The following GMPS variants were observed in gnomAD, a reference collection of about 807,000 sequenced individuals.
GMPS encodes GMP synthase [glutamine-hydrolyzing].
GMPS carries 15 observed loss-of-function variants against 77.9 expected under a neutral mutation model. The ratio of observed to expected loss-of-function variants is 0.19; its 90% CI spans 0.13 to 0.30. The LOEUF (loss-of-function observed/expected upper bound fraction) is 0.30. GMPS is among the 10% of genes least tolerant of loss of function. GMPS has a pLI of 1.00. For synonymous variants in GMPS, 224 were observed against 275.9 expected (o/e 0.81, Z 1.86); for missense variants, 590 against 838.8 (o/e 0.70, Z 3.66).
rs761238528 is a variant in GMPS at position 155,935,066 on chromosome 3, G to C, written c.1807+20G>C. On this transcript the variant is annotated intron_variant, in intron 14 of 15. Transcript: ENST00000496455. The stretch of plus-strand genomic sequence containing the variant: ...AGTCTGGTAAGTTGCTCATGTTTTT[G>C]ATTACTACCCTCTGAAACTAGTTTT... 1 of 1,582,150 alleles carries C rather than the reference G, an allele frequency of 6.3e-7. No homozygotes were observed. The highest frequency in any genetic ancestry group is 8.7e-7 in the Non-Finnish European group (1 of 1,151,148).
At chr3:155,882,090 G>A (rs1349601192) in intron 1 of GMPS, among the ~76,000 whole-genome samples, 2 of 151,966 alleles carry the variant, frequency 1.3e-5, no homozygotes, top group Non-Finnish European at 2.9e-5. Flanking sequence ...AATAAATGAA[G>A]ACTGATTAAG....
intron 1 of GMPS, among the ~76,000 whole-genome samples, chr3:155,884,403 GAAAA>G (rs936558047): frequency 6.8e-6 from 1 of 146,674 alleles, no homozygotes; most frequent in African/African-American, 2.5e-5. Flanking sequence ...AAAAAAAAAA[GAAAA>G]AAAAATCACG....
At chr3:155,907,134 G>C (rs1402187664) in intron 5 of GMPS, among the ~76,000 whole-genome samples, 1 of 152,166 alleles carries the variant, frequency 6.6e-6, no homozygotes, top group Non-Finnish European at 1.5e-5. Context: ...TAATATGTTA[G>C]CATAGGAATG....
chr3:155,881,164 GTTTTTTTTTTTTTTT>G (rs11334499), intron 1 of GMPS, among the ~76,000 whole-genome samples: 4 of 52,928 alleles, frequency 7.6e-5, no homozygotes, highest in Admixed American at 2.9e-4. Flanking sequence ...TTTGATATTA[GTTTTTTTTTTTTTTT>G]TTTTTTTTTT....
Position 155,901,669 on chromosome 3 carries a change from T to A in GMPS, c.325-2194T>A, listed in dbSNP as rs374202378. Reference sequence around the variant, plus strand: ...CATGATTAGATTTTTTTTTTTTGTATTTTCTTATCTGCAAAGGTATTAAAT... The same window carrying A: ...CATGATTAGATTTTTTTTTTTTGTAATTTCTTATCTGCAAAGGTATTAAAT... On this transcript the variant is annotated intron_variant, in intron 3 of 15. Coordinates refer to ENST00000496455, the MANE Select transcript of GMPS (RefSeq NM_003875.3). Among the ~76,000 whole-genome samples the A allele has an allele frequency of 5.3e-4, 80 of 152,216 alleles. 4 individuals carry two copies. Among genetic ancestry groups the A allele is most frequent in the African/African-American group, 1.9e-3 (77 of 41,544 alleles).
chr3:155,929,255 A>T (rs62287766), intron 12 of GMPS, among the ~76,000 whole-genome samples: 4 of 151,236 alleles, frequency 2.6e-5, no homozygotes, highest in Admixed American at 6.6e-5. Context: ...GGTATCTCAT[A>T]GTGGTTTTGA....
intron 13 of GMPS, among the ~76,000 whole-genome samples, chr3:155,932,748 C>A (rs1755658397): frequency 6.6e-6 from 1 of 152,154 alleles, no homozygotes; most frequent in African/African-American, 2.4e-5. Context: ...GTTAAGCTAG[C>A]AGAGTCTGTA....
chr3:155,871,649 C>CT (rs567320358), intron 1 of GMPS, among the ~76,000 whole-genome samples: 114 of 152,394 alleles, frequency 7.5e-4, no homozygotes, highest in African/African-American at 2.7e-3. Flanking sequence ...AGCTTGCTCC[C>CT]TGTCGAGCTT....
chr3:155,922,498 C>G (rs1755344020), intron 11 of GMPS, among the ~76,000 whole-genome samples, 196 bp downstream of exon 11: 1 of 152,112 alleles, frequency 6.6e-6, no homozygotes, highest in Non-Finnish European at 1.5e-5. Flanking sequence ...GACTGGATAT[C>G]CTGAGTCTCT....
At chr3:155,892,007 A>T (rs368439384) in intron 1 of GMPS, among the ~76,000 whole-genome samples, 3 of 152,304 alleles carry the variant, frequency 2.0e-5, no homozygotes, top group African/African-American at 7.2e-5. Flanking sequence ...GGAAAAGATT[A>T]CACAAGTGGC....
rs201135157 is a variant in GMPS at position 155,931,685 on chromosome 3, A to T, written c.1561-80A>T. 1,821 of 402,402 alleles carry T rather than the reference A, an allele frequency of 4.5e-3. 16 individuals are homozygous for T. Among genetic ancestry groups the T allele is most frequent in the African/African-American group, 0.026 (1,100 of 42,210 alleles). The allele number at this position is 402,402 out of a possible 1,614,324, so 24.9% of individuals were successfully genotyped here. A position where few individuals can be genotyped will look rare whatever the true frequency, so the allele number is the denominator to read the frequency against. On this transcript the variant is annotated intron_variant, in intron 12 of 15. Transcript: ENST00000496455. The stretch of plus-strand genomic sequence containing the variant: ...CAATGCATCTTTTCTTTTTTTTTTA[A>T]AAAAAAAAAAAAGCTTTGTCAAGTT...
chr3:155,871,019 C>G (rs1753891486), intron 1 of GMPS, 122 bp downstream of exon 1: 3 of 918,216 alleles, frequency 3.3e-6, no homozygotes, highest in Non-Finnish European at 4.5e-6. Context: ...GCCCTGCGCC[C>G]CGGGCAGCCA....
chr3:155,898,301 A>G (rs1035927314), intron 3 of GMPS, among the ~76,000 whole-genome samples: 1 of 152,248 alleles, frequency 6.6e-6, no homozygotes. Flanking sequence ...GCAAATTTAC[A>G]TAAAATTTTC....
intron 3 of GMPS, among the ~76,000 whole-genome samples, chr3:155,902,567 C>T (rs1754759736): frequency 6.6e-6 from 1 of 152,214 alleles, no homozygotes; most frequent in African/African-American, 2.4e-5. Flanking sequence ...TTTTGAGCTG[C>T]AGTGGCAAGA....
Position 155,870,685 on chromosome 3 carries a change from T to A in GMPS, c.-186T>A, listed in dbSNP as rs1470082579. On this transcript the variant is annotated 5_prime_UTR_variant, in exon 1 of 16. Coordinates refer to ENST00000496455, the MANE Select transcript of GMPS (RefSeq NM_003875.3). ...CTGCTGGTCTTCTCTCCCGCGGCGC[T>A]GGGGCCCGCGCTCCGCTGCTGTTGC... 1 of 514,264 alleles carries A rather than the reference T, an allele frequency of 1.9e-6. No individual in the cohort carries two copies. The highest frequency in any genetic ancestry group is 3.5e-5 in the East Asian group (1 of 28,370). 31.9% of individuals were successfully genotyped at this position (514,264 alleles called of 1,614,324 possible).
chr3:155,930,250 G>T (rs1755577290), intron 12 of GMPS, among the ~76,000 whole-genome samples: 1 of 148,700 alleles, frequency 6.7e-6, no homozygotes. Flanking sequence ...AGAAAAACAA[G>T]CAATGGGGAA....
intron 13 of GMPS, among the ~76,000 whole-genome samples, chr3:155,933,531 C>T (rs1560054778): frequency 6.6e-6 from 1 of 152,018 alleles, no homozygotes; most frequent in East Asian, 1.9e-4. Context: ...AACTTACTGT[C>T]TATACGTGGG....
At chr3:155,880,756 G>T (rs1486229801) in intron 1 of GMPS, among the ~76,000 whole-genome samples, 4 of 152,012 alleles carry the variant, frequency 2.6e-5, no homozygotes, top group Non-Finnish European at 5.9e-5. Context: ...GAAAATCTCT[G>T]TCGGTTTGTC....
At chr3:155,879,360 C>G (rs1754153410) in intron 1 of GMPS, among the ~76,000 whole-genome samples, 1 of 150,576 alleles carries the variant, frequency 6.6e-6, no homozygotes, top group South Asian at 2.1e-4. Flanking sequence ...CTCCACCTCC[C>G]CAGTTCAAAC....
Sources: allele counts gnomAD v4.1 joint callset (sites outside exome capture counted in the v4.1 genomes callset), GRCh38; gene constraint gnomAD v4.1.1; transcripts MANE v1.5; gene names NCBI Gene and HGNC (gene_info 2026-07-23, HGNC 2026-07-21).